Variants in DLG2 observed in about 807,000 individuals in gnomAD.
DLG2 encodes the protein discs large MAGUK scaffold protein 2, also known as disks large homolog 2.
A neutral mutation model predicts 132.5 loss-of-function variants in DLG2; 45 were observed. The ratio of observed to expected loss-of-function variants is 0.34; its 90% CI spans 0.27 to 0.44. The LOEUF is 0.44. Among genes scored for constraint, DLG2 ranks in the 20% least tolerant of loss-of-function variants. The pLI, the probability that DLG2 is intolerant of heterozygous loss-of-function variation, is 1.00. For missense variants in DLG2, 1,045 were observed against 1,196.9 expected, an observed-to-expected ratio of 0.87 and a Z score of 1.87; for synonymous variants, 424 against 419.6, an observed-to-expected ratio of 1.01 and a Z score of -0.13.
chr11:83,910,143 T>C (rs935258431), intron 15 of DLG2, among the ~76,000 whole-genome samples: 8 of 151,872 alleles, frequency 5.3e-5, no homozygotes, highest in African/African-American at 1.7e-4. Context: ...CATTGAAAAG[T>C]TGGACTGAAA....
chr11:84,017,174 G>T (rs1314349941), intron 11 of DLG2, among the ~76,000 whole-genome samples: 1 of 152,026 alleles, frequency 6.6e-6, no homozygotes, highest in Non-Finnish European at 1.5e-5. Flanking sequence ...AGAACAACTA[G>T]CCAATGAATT....
intron 7 of DLG2, among the ~76,000 whole-genome samples, chr11:84,329,518 G>C (rs893875392): frequency 1.3e-5 from 2 of 152,204 alleles, no homozygotes; most frequent in Admixed American, 6.5e-5. Flanking sequence ...ATGTGAAGAA[G>C]GGAATGCTTG....
At chr11:83,721,946 G>A in intron 18 of DLG2, among the ~76,000 whole-genome samples, 1 of 152,184 alleles carries the variant, frequency 6.6e-6, no homozygotes, top group African/African-American at 2.4e-5. Flanking sequence ...GTTGCCAGAT[G>A]ATTAGAAAAA....
chr11:84,431,773 TTCA>T (rs2098985460), intron 7 of DLG2, among the ~76,000 whole-genome samples: 1 of 152,204 alleles, frequency 6.6e-6, no homozygotes, highest in African/African-American at 2.4e-5. Flanking sequence ...AAGTAAATCA[TTCA>T]TTCTTCACCA....
At chr11:84,816,584 G>C (rs1301349605) in intron 6 of DLG2, among the ~76,000 whole-genome samples, 6 of 151,760 alleles carry the variant, frequency 4.0e-5, no homozygotes, top group Non-Finnish European at 7.4e-5. Context: ...TCTGTACTAT[G>C]TACCTTATAT....
intron 6 of DLG2, among the ~76,000 whole-genome samples, chr11:85,092,834 G>A (rs1173463708): frequency 6.6e-6 from 1 of 151,960 alleles, no homozygotes; most frequent in East Asian, 1.9e-4. Flanking sequence ...GTAGAGATGA[G>A]GTTTTACCAT....
At chr11:84,092,812 C>T (rs532879709) in intron 10 of DLG2, among the ~76,000 whole-genome samples, 160 of 151,960 alleles carry the variant, frequency 1.1e-3, no homozygotes, top group Non-Finnish European at 2.0e-3. Context: ...CTGAGGTGGG[C>T]GGATCACAAG....
chr11:84,836,983 T>C (rs184732808), intron 6 of DLG2, among the ~76,000 whole-genome samples: 168 of 151,850 alleles, frequency 1.1e-3, no homozygotes, highest in Non-Finnish European at 1.6e-3. Context: ...TAACATTAGG[T>C]ATATCTCCTA....
chr11:83,611,486 C>A (rs796853121), intron 19 of DLG2, among the ~76,000 whole-genome samples: 2 of 152,172 alleles, frequency 1.3e-5, no homozygotes, highest in Non-Finnish European at 2.9e-5. Flanking sequence ...GACAAACTGA[C>A]AAGCTTTGTT....
intron 6 of DLG2, among the ~76,000 whole-genome samples, chr11:84,567,091 C>T (rs1034664264): frequency 2.6e-5 from 4 of 152,106 alleles, no homozygotes; most frequent in African/African-American, 9.7e-5. Flanking sequence ...AAACCAACTT[C>T]ACCTCGAAAA....
At chr11:85,274,249 A>G (rs1458757845) in intron 4 of DLG2, among the ~76,000 whole-genome samples, 1 of 152,214 alleles carries the variant, frequency 6.6e-6, no homozygotes, top group Non-Finnish European at 1.5e-5. Context: ...AACTTAAAGT[A>G]TAATTAAAAA....
chr11:83,930,580 C>A, intron 14 of DLG2, 97 bp from the exon 15 acceptor site: 1 of 1,246,266 alleles, frequency 8.0e-7, no homozygotes, highest in Non-Finnish European at 1.1e-6. Flanking sequence ...AAAGTAAAAA[C>A]AATGCCATTT....
chr11:84,834,012 G>A (rs985930445), intron 6 of DLG2, among the ~76,000 whole-genome samples: 2 of 151,638 alleles, frequency 1.3e-5, no homozygotes, highest in Non-Finnish European at 3.0e-5. Context: ...GTAGGCACAA[G>A]TTTAAGGGCA....
chr11:84,608,594 A>T (rs2099589876), intron 6 of DLG2, among the ~76,000 whole-genome samples: 1 of 152,132 alleles, frequency 6.6e-6, no homozygotes, highest in South Asian at 2.1e-4. Flanking sequence ...CTTCCCTTGA[A>T]AACAGATCTC....
At chr11:84,265,338 T>C (rs2097605854) in intron 7 of DLG2, among the ~76,000 whole-genome samples, 1 of 152,152 alleles carries the variant, frequency 6.6e-6, no homozygotes, top group African/African-American at 2.4e-5. Flanking sequence ...TTGTTAGACT[T>C]CGAACAATGC....
chr11:84,752,903 A>AT (rs1355513877), intron 6 of DLG2, among the ~76,000 whole-genome samples: 12 of 151,350 alleles, frequency 7.9e-5, no homozygotes, highest in Middle Eastern at 3.4e-3. Context: ...TGAACTCATC[A>AT]TTTTTTATGG....
chr11:84,145,231 C>CAG (rs983575296), intron 9 of DLG2, among the ~76,000 whole-genome samples: 3 of 152,192 alleles, frequency 2.0e-5, no homozygotes, highest in African/African-American at 7.2e-5. Context: ...TACCCTTATA[C>CAG]AGTCATGTGT....
intron 5 of DLG2, among the ~76,000 whole-genome samples, chr11:85,118,625 T>C (rs1400695742): frequency 2.6e-5 from 4 of 151,980 alleles, no homozygotes; most frequent in Non-Finnish European, 5.9e-5. Flanking sequence ...TATGATGAAA[T>C]AATACATTGA....
intron 14 of DLG2, among the ~76,000 whole-genome samples, chr11:83,948,636 T>A (rs1381924794): frequency 1.3e-5 from 2 of 151,774 alleles, no homozygotes; most frequent in Non-Finnish European, 2.9e-5. Flanking sequence ...AAAGCCATAC[T>A]TGAGTTGGTC....
Sources: allele counts gnomAD v4.1 joint callset (sites outside exome capture counted in the v4.1 genomes callset), GRCh38; gene constraint gnomAD v4.1.1; transcripts MANE v1.5; gene names NCBI Gene and HGNC (gene_info 2026-07-23, HGNC 2026-07-21).